POU2F3: variants seen among roughly 807,000 people sequenced by gnomAD.
POU2F3 encodes POU domain, class 2, transcription factor 3.
In POU2F3, 23 loss-of-function variants were observed where a neutral mutation model predicts 59.2. That is an observed-to-expected ratio of 0.39 (90% CI 0.28 to 0.55). The LOEUF is 0.55. Ranked by LOEUF, POU2F3 falls within the 20% of genes least tolerant of loss-of-function variation. POU2F3 has a pLI of 0.66. For missense variants in POU2F3, 473 were observed against 544.5 expected (o/e 0.87, Z 1.31); for synonymous variants, 190 against 214.6 (o/e 0.89, Z 1.00).
Position 120,317,219 on chromosome 11 carries a change from T to A in POU2F3, c.1136-10T>A. 1 of 1,614,058 alleles carries A rather than the reference T, an allele frequency of 6.2e-7. No individual in the cohort carries two copies. Among genetic ancestry groups the A allele is most frequent in the Non-Finnish European group, 8.5e-7 (1 of 1,179,920 alleles). ...ATTTCCCCCTTGTTTTTGCCTCTCCTTATCCTCAGTAACGTCATCCTGTTC... is the reference window on the plus strand; with the variant it reads ...ATTTCCCCCTTGTTTTTGCCTCTCCATATCCTCAGTAACGTCATCCTGTTC... On this transcript the variant is annotated splice_polypyrimidine_tract_variant and intron_variant, in intron 11 of 12. Transcript: ENST00000543440.
chr11:120,302,435 GT>G, intron 6 of POU2F3, 67 bp downstream of exon 6: 1 of 1,459,338 alleles, frequency 6.9e-7, no homozygotes, highest in Non-Finnish European at 9.6e-7. Flanking sequence ...TAACTCACTG[GT>G]TTCCCCCTAC....
intron 5 of POU2F3, chr11:120,301,056 G>A (rs1020366400): frequency 2.6e-5 from 12 of 456,180 alleles, no homozygotes; most frequent in Non-Finnish European, 4.8e-5. Flanking sequence ...ACTGGAGAGC[G>A]ACATGAAAAT....
chr11:120,287,412 G>T (rs1940822746), intron 3 of POU2F3, among the ~76,000 whole-genome samples: 1 of 152,198 alleles, frequency 6.6e-6, no homozygotes, highest in Non-Finnish European at 1.5e-5. Context: ...AGGTCTGTCA[G>T]GTATTAAGTG....
At chr11:120,269,277 C>T (rs199675624) in intron 3 of POU2F3, 33 bp downstream of exon 3, 28 of 1,548,610 alleles carry the variant, frequency 1.8e-5, no homozygotes, top group Non-Finnish European at 2.5e-5. Flanking sequence ...AACGTTTATT[C>T]TATAAAATTT....
At chr11:120,253,805 T>C (rs1188587424) in intron 2 of POU2F3, among the ~76,000 whole-genome samples, 1 of 152,238 alleles carries the variant, frequency 6.6e-6, no homozygotes, top group East Asian at 1.9e-4. Context: ...GTCTCTTTCC[T>C]GTGGCCTCCG....
intron 3 of POU2F3, among the ~76,000 whole-genome samples, chr11:120,278,407 G>A (rs1940424019): frequency 6.6e-6 from 1 of 152,190 alleles, no homozygotes; most frequent in South Asian, 2.1e-4. Context: ...GTGATCCCCA[G>A]TGAGAACGAG....
intron 2 of POU2F3, among the ~76,000 whole-genome samples, chr11:120,267,091 C>T (rs769033070): frequency 7.9e-5 from 12 of 151,886 alleles, no homozygotes; most frequent in East Asian, 1.9e-4. Context: ...ACAGCTATTG[C>T]GGCTGTGGGT....
intron 1 of POU2F3, 130 bp downstream of exon 1, chr11:120,240,501 G>C (rs1438571797): frequency 3.3e-6 from 4 of 1,197,672 alleles, no homozygotes. Flanking sequence ...TGTGGATAGC[G>C]GGTTGTCCTG....
chr11:120,266,057 C>T (rs879915673), intron 2 of POU2F3: 2 of 152,252 alleles, frequency 1.3e-5, no homozygotes, highest in African/African-American at 2.4e-5. Context: ...CCGAACACTT[C>T]TCCTGAGTCA....
chr11:120,287,361 G>GC (rs1940820322), intron 3 of POU2F3, among the ~76,000 whole-genome samples: 2 of 152,198 alleles, frequency 1.3e-5, no homozygotes, highest in Admixed American at 6.5e-5. Context: ...CTAAGTGATG[G>GC]ACATTATGCA....
intron 3 of POU2F3, among the ~76,000 whole-genome samples, chr11:120,272,250 A>G (rs1346590406): frequency 6.6e-6 from 1 of 152,204 alleles, no homozygotes; most frequent in Admixed American, 6.5e-5. Flanking sequence ...GAGATTAAAT[A>G]ACCTGATGAA....
At chr11:120,292,556 A>T (rs1941060100) in intron 3 of POU2F3, among the ~76,000 whole-genome samples, 1 of 152,160 alleles carries the variant, frequency 6.6e-6, no homozygotes, top group Non-Finnish European at 1.5e-5. Flanking sequence ...GGGGCAAATC[A>T]AAAGTTCTGT....
intron 8 of POU2F3, 104 bp downstream of exon 8, chr11:120,305,889 C>A (rs1941473879): frequency 2.2e-6 from 3 of 1,367,508 alleles, no homozygotes; most frequent in East Asian, 2.4e-5. Flanking sequence ...CCTAACACCC[C>A]CTTCTTCTCC....
chr11:120,263,593 C>T (rs940277203), intron 2 of POU2F3, among the ~76,000 whole-genome samples: 1 of 152,212 alleles, frequency 6.6e-6, no homozygotes, highest in Admixed American at 6.5e-5. Flanking sequence ...CTGCGTCACT[C>T]AATGCGTTGG....
chr11:120,284,874 G>A (rs953074902), intron 3 of POU2F3, among the ~76,000 whole-genome samples: 3 of 152,178 alleles, frequency 2.0e-5, no homozygotes, highest in African/African-American at 4.8e-5. Context: ...ATCCCACAGA[G>A]CCCCGCTGCT....
intron 11 of POU2F3, among the ~76,000 whole-genome samples, 183 bp downstream of exon 11, chr11:120,315,610 T>G (rs910844158): frequency 1.8e-4 from 28 of 152,220 alleles, no homozygotes; most frequent in African/African-American, 6.8e-4. Context: ...GGAAGCCCAG[T>G]TTAAACAAGC....
rs534130446 is a variant in POU2F3 at position 120,269,580 on chromosome 11, T to G, written c.132+336T>G. On this transcript the variant is annotated intron_variant, in intron 3 of 12. Coordinates refer to ENST00000543440, the MANE Select transcript of POU2F3 (RefSeq NM_014352.4). ...CTCTTGGGTGGGTGTTTGCATGAAT[T>G]GACTGTGTACAGAGGAATTTATGCA... Among the ~76,000 whole-genome samples, 393 of 152,284 alleles carry G rather than the reference T, an allele frequency of 2.6e-3. 2 individuals are homozygous for G. The highest frequency in any genetic ancestry group is 9.3e-3 in the African/African-American group (386 of 41,544).
upstream of POU2F3, chr11:120,236,737 G>T: frequency 6.9e-7 from 1 of 1,450,670 alleles, no homozygotes; most frequent in Non-Finnish European, 9.4e-7. Context: ...TCCCATTCTA[G>T]CTCATCTAAC....
upstream of POU2F3, among the ~76,000 whole-genome samples, chr11:120,239,719 G>C (rs1938586908): frequency 6.6e-6 from 1 of 152,172 alleles, no homozygotes; most frequent in African/African-American, 2.4e-5. Context: ...GAAGAACCTT[G>C]TCCCAGCCAC....
Sources: gnomAD v4.1 joint callset for allele counts (sites outside exome capture counted in the v4.1 genomes callset) on GRCh38, gnomAD v4.1.1 for gene constraint, MANE v1.5 for transcripts, NCBI Gene and HGNC (gene_info 2026-07-23, HGNC 2026-07-21) for gene names.